CBFA2T2: variants seen among roughly 807,000 people sequenced by gnomAD.
CBFA2T2 encodes the protein protein CBFA2T2.
Under a neutral mutation model 62.2 loss-of-function variants are expected in CBFA2T2, and 11 were observed. The observed-to-expected ratio is 0.18, with a 90% CI of 0.11 to 0.29. CBFA2T2 has a LOEUF of 0.29. Ranked by LOEUF, CBFA2T2 falls within the 10% of genes least tolerant of loss-of-function variation. CBFA2T2 has a pLI of 1.00. For missense variants in CBFA2T2, 592 were observed against 774.1 expected (o/e 0.76, Z 2.79); for synonymous variants, 295 against 287.5 (o/e 1.03, Z -0.27).
intron 1 of CBFA2T2, among the ~76,000 whole-genome samples, chr20:33,503,502 C>T (rs2011336687): frequency 1.3e-5 from 2 of 152,228 alleles, no homozygotes; most frequent in Admixed American, 6.5e-5. Flanking sequence ...ATCCGCCCGC[C>T]TCGGCCTCCC....
chr20:33,507,443 C>G (rs929256573), intron 1 of CBFA2T2, among the ~76,000 whole-genome samples: 1 of 152,098 alleles, frequency 6.6e-6, no homozygotes, highest in Non-Finnish European at 1.5e-5. Flanking sequence ...CTGTTTTGAG[C>G]CAATCTGTTT....
chr20:33,644,136 A>T (rs1340594632), intron 10 of CBFA2T2, among the ~76,000 whole-genome samples: 1 of 152,048 alleles, frequency 6.6e-6, no homozygotes, highest in Non-Finnish European at 1.5e-5. Flanking sequence ...GCAGGGAAGT[A>T]GTTTTCTTGT....
intron 1 of CBFA2T2, among the ~76,000 whole-genome samples, chr20:33,575,129 G>T (rs921608079): frequency 6.6e-5 from 10 of 152,176 alleles, no homozygotes; most frequent in Non-Finnish European, 1.2e-4. Context: ...GGTTGTTTGC[G>T]CAGACTGACT....
Position 33,607,098 on chromosome 20 carries a change from A to C in CBFA2T2, c.177A>C (p.Ala59=), listed in dbSNP as rs775349775. Reference sequence around the variant, plus strand: ...GGCCAGTGTCCTTCACTCCTACTGCATGTGAGACCTCTTAGTTACTTATGT... The same window carrying C: ...GGCCAGTGTCCTTCACTCCTACTGCCTGTGAGACCTCTTAGTTACTTATGT... ...GPRPVSFTPT[A]LSNGINHSPP... is the part of the protein sequence containing the mutation. Residue 59 remains alanine, a splice_region_variant and synonymous_variant, in exon 2 of 11, where the codon GCA becomes GCC. Transcript: ENST00000342704. The C allele has an allele frequency of 6.2e-7, 1 of 1,612,842 alleles. No homozygotes were observed. Among genetic ancestry groups the C allele is most frequent in the Non-Finnish European group, 8.5e-7 (1 of 1,179,350 alleles).
intron 1 of CBFA2T2, among the ~76,000 whole-genome samples, chr20:33,524,926 C>T (rs1402244119): frequency 1.3e-5 from 2 of 152,156 alleles, no homozygotes; most frequent in Admixed American, 1.3e-4. Flanking sequence ...CCCTTGCCTC[C>T]CGGGTTCAAG....
chr20:33,602,773 C>T (rs907648623), intron 1 of CBFA2T2, among the ~76,000 whole-genome samples: 3 of 152,136 alleles, frequency 2.0e-5, no homozygotes, highest in Non-Finnish European at 4.4e-5. Flanking sequence ...AAGTCAAGAA[C>T]TTCTGCCTTT....
chr20:33,542,796 C>A (rs986792294), intron 1 of CBFA2T2, among the ~76,000 whole-genome samples: 1 of 151,816 alleles, frequency 6.6e-6, no homozygotes, highest in African/African-American at 2.4e-5. Flanking sequence ...CTCAACCTCC[C>A]GGGAAGCTGG....
chr20:33,585,671 A>G (rs2014331574), intron 1 of CBFA2T2, among the ~76,000 whole-genome samples: 1 of 152,228 alleles, frequency 6.6e-6, no homozygotes, highest in Non-Finnish European at 1.5e-5. Flanking sequence ...AACCTCACTA[A>G]TTGAATGTTG....
intron 1 of CBFA2T2, among the ~76,000 whole-genome samples, chr20:33,588,910 C>T (rs1165407640): frequency 6.6e-6 from 1 of 151,896 alleles, no homozygotes; most frequent in Non-Finnish European, 1.5e-5. Flanking sequence ...CCACTGCACT[C>T]CAGCCTGGAG....
intron 1 of CBFA2T2, among the ~76,000 whole-genome samples, chr20:33,537,297 C>G (rs888462284): frequency 6.6e-6 from 1 of 152,252 alleles, no homozygotes; most frequent in Non-Finnish European, 1.5e-5. Flanking sequence ...CCAGCCCGGC[C>G]AACACAGCGA....
intron 1 of CBFA2T2, among the ~76,000 whole-genome samples, chr20:33,522,921 C>A (rs569035980): frequency 6.6e-6 from 1 of 152,130 alleles, no homozygotes; most frequent in South Asian, 2.1e-4. Context: ...TTTAAAAGAT[C>A]CCTAAAAAAA....
chr20:33,536,211 G>A (rs1236703288), intron 1 of CBFA2T2, among the ~76,000 whole-genome samples: 3 of 152,026 alleles, frequency 2.0e-5, no homozygotes, highest in Admixed American at 6.5e-5. Flanking sequence ...GGTGGTGGCC[G>A]GGCAGAGGGG....
In CBFA2T2 at chr20:33,576,029, C is replaced by G. The variant is rs140024286; in HGVS notation, c.35-30927C>G. Among the ~76,000 whole-genome samples, 5 of 152,008 alleles carry G rather than the reference C, an allele frequency of 3.3e-5. No homozygotes were observed. In the South Asian group the frequency reaches 1.0e-3, roughly 32 times the overall value. ...GCCTCGATCTCCTGATCTCGTGATC[C>G]GCCCACCTTGGCCTCCCAAAGTGTT... On this transcript the variant is annotated intron_variant, in intron 1 of 10. Transcript: ENST00000342704.
At chr20:33,538,294 G>C (rs2146875962) in intron 1 of CBFA2T2, among the ~76,000 whole-genome samples, 1 of 152,024 alleles carries the variant, frequency 6.6e-6, no homozygotes. Flanking sequence ...TTTGTGTATT[G>C]ATCTTGTATC....
chr20:33,628,279 T>C, intron 6 of CBFA2T2, 71 bp from the exon 7 acceptor site: 1 of 994,410 alleles, frequency 1.0e-6, no homozygotes, highest in South Asian at 1.3e-5. Flanking sequence ...TATGTGTGTA[T>C]TTACTTGGTA....
intron 1 of CBFA2T2, among the ~76,000 whole-genome samples, chr20:33,535,625 T>A (rs1224932270): frequency 5.4e-5 from 8 of 147,674 alleles, no homozygotes; most frequent in African/African-American, 2.0e-4. Flanking sequence ...TATTTTTTCT[T>A]TTTTTTTTTG....
At chr20:33,632,113 A>T (rs2016475775) in intron 8 of CBFA2T2, among the ~76,000 whole-genome samples, 1 of 151,510 alleles carries the variant, frequency 6.6e-6, no homozygotes, top group Admixed American at 6.6e-5. Flanking sequence ...TGCAGTGCAC[A>T]TTCTTGGCTC....
intron 1 of CBFA2T2, among the ~76,000 whole-genome samples, chr20:33,547,375 CACATCTCTG>C (rs2012605299): frequency 1.3e-5 from 2 of 151,898 alleles, no homozygotes; most frequent in South Asian, 4.1e-4. Flanking sequence ...GCCTGGGTAA[CACATCTCTG>C]AGAAATAAAA....
chr20:33,539,395 T>C (rs1487950007), intron 1 of CBFA2T2, among the ~76,000 whole-genome samples: 1 of 152,244 alleles, frequency 6.6e-6, no homozygotes, highest in African/African-American at 2.4e-5. Flanking sequence ...TTGCTTATGC[T>C]GTTCTCCAAT....
Sources: allele counts gnomAD v4.1 joint callset (sites outside exome capture counted in the v4.1 genomes callset), GRCh38; gene constraint gnomAD v4.1.1; transcripts MANE v1.5; gene names NCBI Gene and HGNC (gene_info 2026-07-23, HGNC 2026-07-21).